The following AGTPBP1 variants were observed in gnomAD, a reference collection of about 807,000 sequenced individuals.
AGTPBP1 encodes ATP/GTP binding carboxypeptidase 1.
Under a neutral mutation model 143.9 loss-of-function variants are expected in AGTPBP1, and 70 were observed. The ratio of observed to expected loss-of-function variants is 0.49; its 90% CI spans 0.40 to 0.59. The LOEUF is 0.59. AGTPBP1 is among the 20% of genes least tolerant of loss of function. The pLI is 0.00. For missense variants in AGTPBP1, 1,229 were observed against 1,464.5 expected, an observed-to-expected ratio of 0.84 and a Z score of 2.62; for synonymous variants, 463 against 500.2, an observed-to-expected ratio of 0.93 and a Z score of 0.99.
chr9:85,668,443 A>T (rs1054745082), intron 8 of AGTPBP1, among the ~76,000 whole-genome samples: 20 of 152,136 alleles, frequency 1.3e-4, no homozygotes, highest in African/African-American at 4.3e-4. Flanking sequence ...AGCCTAGGCA[A>T]CAGAGAGAGA....
intron 2 of AGTPBP1, among the ~76,000 whole-genome samples, chr9:85,707,686 T>A (rs1474145301): frequency 1.3e-5 from 2 of 152,228 alleles, no homozygotes; most frequent in African/African-American, 4.8e-5. Flanking sequence ...AAGTATTTGT[T>A]TCCTACTGCT....
intron 1 of AGTPBP1, among the ~76,000 whole-genome samples, chr9:85,728,030 T>TATATACACACACAC (rs71505763): frequency 7.8e-6 from 1 of 128,328 alleles, no homozygotes; most frequent in African/African-American, 2.9e-5. Flanking sequence ...TATATTTATA[T>TATATACACACACAC]ACACACACAC....
chr9:85,773,282 AAAAAG>A, the AGTPBP1 span, among the ~76,000 whole-genome samples: 20 of 147,494 alleles, frequency 1.4e-4, no homozygotes, highest in African/African-American at 4.8e-4. Flanking sequence ...AAAAAAAAAA[AAAAAG>A]AAAGTGTCAT....
intron 19 of AGTPBP1, among the ~76,000 whole-genome samples, chr9:85,590,006 C>A (rs1828856038): frequency 1.3e-5 from 2 of 152,104 alleles, no homozygotes; most frequent in South Asian, 4.1e-4. Context: ...TCAGGCTTTG[C>A]CTCCAAACGA....
At chr9:85,796,366 T>C in the AGTPBP1 span, among the ~76,000 whole-genome samples, 1 of 152,316 alleles carries the variant, frequency 6.6e-6, no homozygotes, top group Admixed American at 6.5e-5. Flanking sequence ...CTTGCAAATA[T>C]CACATTTCAT....
intron 13 of AGTPBP1, among the ~76,000 whole-genome samples, chr9:85,634,248 T>C (rs1025411591): frequency 2.7e-5 from 4 of 148,170 alleles, no homozygotes; most frequent in Non-Finnish European, 3.0e-5. Flanking sequence ...GTAATGTGGA[T>C]TGGGAGTACC....
chr9:85,669,489 T>G lies in AGTPBP1; in HGVS notation c.658A>C (p.Ile220Leu). The G allele has an allele frequency of 6.2e-7, 1 of 1,600,008 alleles. No individual in the cohort carries two copies. The stretch of plus-strand genomic sequence containing the variant: ...ACATTCAAAACATTTACTCACTTTA[T>G]AAGACTGGAATTCTTCTTACTAAAT... ...GPFSKKNSSL[I>L]KVALDTLAAL... The change falls in exon 8 of 26, where the codon ATA becomes CTA. Residue 220 changes from isoleucine to leucine, a missense_variant. By Grantham distance (5) the Ile-to-Leu change is conservative. Transcript: ENST00000357081.
At chr9:85,798,526 G>A in the AGTPBP1 span, among the ~76,000 whole-genome samples, 3 of 151,032 alleles carry the variant, frequency 2.0e-5, no homozygotes, top group South Asian at 4.2e-4. Context: ...GCCACCACGC[G>A]CAGCTACTTT....
intron 25 of AGTPBP1, among the ~76,000 whole-genome samples, chr9:85,564,089 G>C (rs1036927492): frequency 3.3e-5 from 5 of 152,232 alleles, no homozygotes; most frequent in Non-Finnish European, 7.3e-5. Flanking sequence ...CCACCACAAA[G>C]AGCTGCTACT....
the AGTPBP1 span, among the ~76,000 whole-genome samples, chr9:85,765,384 A>G: frequency 6.6e-6 from 1 of 152,218 alleles, no homozygotes; most frequent in African/African-American, 2.4e-5. Context: ...AAAAGGCCCA[A>G]TGTCCATACT....
chr9:85,621,263 C>A lies in AGTPBP1; in HGVS notation c.2038G>T (p.Glu680Ter), dbSNP rs1830917044. 6.9e-7 allele frequency: 1 copy of A among 1,446,112 alleles called. No homozygotes were observed. The highest frequency in any genetic ancestry group is 9.1e-7 in the Non-Finnish European group (1 of 1,101,730). 89.6% of individuals were successfully genotyped at this position (1,446,112 alleles called of 1,614,324 possible). ...ATATCACTCTGATGTATTAGCCTTT[C>A]AATATCTTGAGCAATTTTTGTCCTG... is the stretch of plus-strand genomic sequence containing the variant. ...VQRTKIAQDI[E>*]RLIHQSDIID... is the part of the protein sequence containing the mutation. The change falls in exon 15 of 26, where the codon GAA becomes TAA. Residue 680 changes from glutamate to a stop codon, truncating the protein, a stop_gained. Coordinates refer to ENST00000357081, the MANE Select transcript of AGTPBP1 (RefSeq NM_001330701.2). LOFTEE classifies it high-confidence loss of function.
intron 11 of AGTPBP1, among the ~76,000 whole-genome samples, chr9:85,654,372 A>G (rs185769499): frequency 6.6e-6 from 1 of 152,302 alleles, no homozygotes; most frequent in Non-Finnish European, 1.5e-5. Context: ...AGATAATTTC[A>G]TATTTTCATC....
chr9:85,770,519 C>G, the AGTPBP1 span: 1 of 1,287,068 alleles, frequency 7.8e-7, no homozygotes, highest in African/African-American at 1.5e-5. Context: ...GAATATTTTT[C>G]TTATAAAGAT....
chr9:85,588,042 T>C (rs890838667), intron 21 of AGTPBP1, among the ~76,000 whole-genome samples: 3 of 152,170 alleles, frequency 2.0e-5, no homozygotes, highest in African/African-American at 7.2e-5. Flanking sequence ...AAGCATTTTA[T>C]GAAAGCATAT....
intron 12 of AGTPBP1, among the ~76,000 whole-genome samples, chr9:85,645,450 G>A (rs956590957): frequency 1.3e-5 from 2 of 152,130 alleles, no homozygotes; most frequent in Admixed American, 6.5e-5. Context: ...AGTTTAGATT[G>A]GCTAACTTGA....
At chr9:85,673,152 TC>T (rs1214716326) in intron 6 of AGTPBP1, among the ~76,000 whole-genome samples, 1 of 152,194 alleles carries the variant, frequency 6.6e-6, no homozygotes, top group Non-Finnish European at 1.5e-5. Context: ...AAAATTATAA[TC>T]CTTTTTTGTA....
chr9:85,647,279 A>G (rs118171902), intron 11 of AGTPBP1, among the ~76,000 whole-genome samples: 2,548 of 152,168 alleles, frequency 0.017, 25 homozygotes, highest in Middle Eastern at 0.055. Context: ...TTCTGTCTCA[A>G]AAAAAAAGAA....
At position 85,547,042 on chromosome 9, in the gene AGTPBP1, C is replaced by A; in HGVS notation, c.*67G>T. The stretch of plus-strand genomic sequence containing the variant: ...TCTGTATAAACTCATTTCTCTCAAG[C>A]TTCCTGGGAAATAAAAACCAAGATA... On this transcript the variant is annotated 3_prime_UTR_variant, in exon 26 of 26. Transcript: ENST00000357081. The A allele has an allele frequency of 6.8e-7, 1 of 1,468,436 alleles. No individual in the cohort carries two copies. Among genetic ancestry groups the A allele is most frequent in the Non-Finnish European group, 9.0e-7 (1 of 1,105,740 alleles). The allele number at this position is 1,468,436 out of a possible 1,614,324, so 91.0% of individuals were successfully genotyped here.
intron 1 of AGTPBP1, among the ~76,000 whole-genome samples, chr9:85,715,476 A>G (rs1440367213): frequency 3.9e-5 from 6 of 152,162 alleles, no homozygotes; most frequent in Non-Finnish European, 8.8e-5. Context: ...TGGAACTGCA[A>G]ATAGTAACTT....
Sources: gnomAD v4.1 joint callset for allele counts (sites outside exome capture counted in the v4.1 genomes callset) on GRCh38, gnomAD v4.1.1 for gene constraint, MANE v1.5 for transcripts, NCBI Gene and HGNC (gene_info 2026-07-23, HGNC 2026-07-21) for gene names.